Variants in MAGI2 observed in about 807,000 individuals in gnomAD.
The protein encoded by MAGI2 is membrane-associated guanylate kinase, WW and PDZ domain-containing protein 2.
MAGI2 carries 35 observed loss-of-function variants against 133.3 expected under a neutral mutation model. That is an observed-to-expected ratio of 0.26 (90% CI 0.20 to 0.35). MAGI2 has a LOEUF of 0.35. Among genes scored for constraint, MAGI2 ranks in the 10% least tolerant of loss-of-function variants. MAGI2 has a pLI of 1.00. For missense variants in MAGI2, 1,636 were observed against 1,863.4 expected (o/e 0.88, Z 2.25); for synonymous variants, 729 against 710.6 (o/e 1.03, Z -0.41).
chr7:78,792,540 C>T (rs1181440743), intron 2 of MAGI2, among the ~76,000 whole-genome samples: 1 of 152,204 alleles, frequency 6.6e-6, no homozygotes, highest in East Asian at 1.9e-4. Flanking sequence ...ATATCCTACA[C>T]ACCCAGCCTG....
Position 78,180,924 on chromosome 7 carries a change from ATTTT to A in MAGI2, c.2312-2826_2312-2823del, listed in dbSNP as rs371615787. The stretch of plus-strand genomic sequence containing the variant: ...ATAGATTGTGCCTTGAGGCAGCAGT[ATTTT>A]TTTTTTTTTTTTTTTTTTTTTTAGG... On this transcript the variant is annotated intron_variant, in intron 13 of 21. Transcript: ENST00000354212. Among the ~76,000 whole-genome samples, 785 of 108,014 alleles carry A rather than the reference ATTTT, an allele frequency of 7.3e-3. 3 individuals are homozygous for A. Among genetic ancestry groups the A allele is most frequent in the African/African-American group, 0.019 (516 of 26,610 alleles). 70.9% of individuals were successfully genotyped at this position (108,014 alleles called of 152,430 possible).
chr7:78,287,849 A>C (rs923303394), intron 9 of MAGI2, among the ~76,000 whole-genome samples: 1 of 152,154 alleles, frequency 6.6e-6, no homozygotes, highest in Non-Finnish European at 1.5e-5. Flanking sequence ...GGATATGACT[A>C]CTCATTGACA....
chr7:79,004,469 T>C (rs1228657035), intron 2 of MAGI2, among the ~76,000 whole-genome samples: 1 of 152,070 alleles, frequency 6.6e-6, no homozygotes, highest in African/African-American at 2.4e-5. Flanking sequence ...GAATTGGGAA[T>C]GAAGAGAGGT....
At position 78,962,625 on chromosome 7, in the gene MAGI2, AG is replaced by A. The variant is rs1802945626; in HGVS notation, c.418+44464del. Among the ~76,000 whole-genome samples, 6 of 151,956 alleles carry A rather than the reference AG, an allele frequency of 3.9e-5. 1 individual carries two copies. The highest frequency in any genetic ancestry group is 3.9e-4 in the Admixed American group (6 of 15,234). On this transcript the variant is annotated intron_variant, in intron 2 of 21. Transcript: ENST00000354212. ...AACTGGAAAATTGTAGAAAAAAAAAAGATTCTATGAATGTAATGGTTTCTTT... is the reference window on the plus strand; with the variant it reads ...AACTGGAAAATTGTAGAAAAAAAAAAATTCTATGAATGTAATGGTTTCTTT...
intron 20 of MAGI2, among the ~76,000 whole-genome samples, chr7:78,083,621 A>G (rs1419789825): frequency 1.3e-5 from 2 of 152,192 alleles, no homozygotes; most frequent in Non-Finnish European, 2.9e-5. Flanking sequence ...GGCAACTAAC[A>G]ACCTTAGAGT....
At chr7:78,050,527 A>T (rs1332030872) in intron 21 of MAGI2, among the ~76,000 whole-genome samples, 1 of 152,228 alleles carries the variant, frequency 6.6e-6, no homozygotes, top group Non-Finnish European at 1.5e-5. Flanking sequence ...CAGCATCTAA[A>T]TGACACAAGA....
intron 2 of MAGI2, among the ~76,000 whole-genome samples, chr7:78,692,859 C>G (rs117551978): frequency 2.0e-5 from 3 of 152,082 alleles, no homozygotes; most frequent in Non-Finnish European, 4.4e-5. Flanking sequence ...ATTAATGAAG[C>G]CTTTGGTTAC....
intron 1 of MAGI2, among the ~76,000 whole-genome samples, chr7:79,272,265 C>A (rs1050529250): frequency 2.6e-5 from 4 of 152,016 alleles, no homozygotes; most frequent in Admixed American, 6.6e-5. Context: ...TACTCTTTGA[C>A]CAATAGGTGG....
chr7:79,015,669 G>A (rs1264870922), intron 1 of MAGI2, among the ~76,000 whole-genome samples: 1 of 152,050 alleles, frequency 6.6e-6, no homozygotes, highest in Admixed American at 6.5e-5. Flanking sequence ...GTGTCCCAAA[G>A]GTTTATTTTG....
intron 2 of MAGI2, among the ~76,000 whole-genome samples, chr7:78,929,384 G>A (rs989502509): frequency 4.6e-5 from 7 of 152,036 alleles, no homozygotes; most frequent in Non-Finnish European, 1.0e-4. Flanking sequence ...TACCATTGCT[G>A]CTGTAACAAA....
chr7:78,694,674 C>T (rs964157468), intron 2 of MAGI2, among the ~76,000 whole-genome samples: 2 of 152,160 alleles, frequency 1.3e-5, no homozygotes, highest in African/African-American at 4.8e-5. Context: ...AACATTGAGA[C>T]AGCCACACCT....
At chr7:78,524,422 A>G (rs923850314) in intron 3 of MAGI2, among the ~76,000 whole-genome samples, 7 of 152,168 alleles carry the variant, frequency 4.6e-5, no homozygotes, top group Non-Finnish European at 8.8e-5. Context: ...TGTAAACTTC[A>G]TGCTGGCATA....
At chr7:78,781,744 G>A (rs1038088469) in intron 2 of MAGI2, among the ~76,000 whole-genome samples, 2 of 152,068 alleles carry the variant, frequency 1.3e-5, no homozygotes, top group African/African-American at 4.8e-5. Context: ...TATAATAGAA[G>A]AAATAATGCT....
At chr7:78,230,812 A>G (rs187233262) in intron 10 of MAGI2, among the ~76,000 whole-genome samples, 141 of 152,334 alleles carry the variant, frequency 9.3e-4, no homozygotes, top group Admixed American at 9.1e-3. Flanking sequence ...TGGCTGTCTC[A>G]GAAGTTGACT....
At chr7:79,318,626 T>A (rs1838929342) in intron 1 of MAGI2, among the ~76,000 whole-genome samples, 1 of 152,192 alleles carries the variant, frequency 6.6e-6, no homozygotes, top group South Asian at 2.1e-4. Flanking sequence ...TGTTAAAAAC[T>A]GCAGAGTGAA....
intron 3 of MAGI2, among the ~76,000 whole-genome samples, chr7:78,578,058 A>G (rs1802451587): frequency 6.6e-6 from 1 of 151,334 alleles, no homozygotes; most frequent in East Asian, 1.9e-4. Flanking sequence ...GAGACCTTCA[A>G]TTGTATTCTC....
chr7:79,029,057 G>A (rs897903090), intron 1 of MAGI2, among the ~76,000 whole-genome samples: 1 of 152,070 alleles, frequency 6.6e-6, no homozygotes, highest in African/African-American at 2.4e-5. Flanking sequence ...AGAATTTTCT[G>A]AGGTAGCATT....
At chr7:78,368,972 ATGACAAAT>A (rs1048985674) in intron 7 of MAGI2, among the ~76,000 whole-genome samples, 176 bp downstream of exon 7, 1 of 152,084 alleles carries the variant, frequency 6.6e-6, no homozygotes, top group Non-Finnish European at 1.5e-5. Flanking sequence ...AAGGAAAGGA[ATGACAAAT>A]TAGCCAGCTG....
intron 1 of MAGI2, among the ~76,000 whole-genome samples, chr7:79,102,913 C>T (rs1049571467): frequency 3.3e-5 from 5 of 152,086 alleles, no homozygotes; most frequent in African/African-American, 1.2e-4. Flanking sequence ...GAGGTGATCC[C>T]ATATAATCTG....
Sources: allele counts gnomAD v4.1 joint callset (sites outside exome capture counted in the v4.1 genomes callset), GRCh38; gene constraint gnomAD v4.1.1; transcripts MANE v1.5; gene names NCBI Gene and HGNC (gene_info 2026-07-23, HGNC 2026-07-21).